Variants in RELN observed in about 807,000 individuals in gnomAD.
The protein encoded by RELN is reelin.
RELN carries 108 observed loss-of-function variants against 427.6 expected under a neutral mutation model. The ratio of observed to expected loss-of-function variants is 0.25; its 90% confidence interval spans 0.22 to 0.30. The LOEUF is 0.30. RELN is among the 10% of genes least tolerant of loss of function. The pLI, the probability that RELN is intolerant of heterozygous loss-of-function variation, is 1.00. For synonymous variants in RELN, 1,524 were observed against 1,513.4 expected (o/e 1.01, Z -0.16); for missense variants, 3,715 against 4,302.8 (o/e 0.86, Z 3.82).
intron 11 of RELN, among the ~76,000 whole-genome samples, chr7:103,676,207 A>C (rs1156355370): frequency 6.6e-6 from 1 of 152,154 alleles, no homozygotes; most frequent in South Asian, 2.1e-4. Flanking sequence ...AAATAAAAAA[A>C]CCCCATCAAA....
chr7:103,575,800 A>C, intron 28 of RELN, 95 bp from the exon 29 acceptor site: 1 of 1,375,284 alleles, frequency 7.3e-7, no homozygotes, highest in South Asian at 1.2e-5. Context: ...ACAGAGACTT[A>C]ATATTTATTT....
chr7:103,477,415 C>G (rs564241628), intron 64 of RELN, among the ~76,000 whole-genome samples: 1 of 152,296 alleles, frequency 6.6e-6, no homozygotes, highest in East Asian at 1.9e-4. Flanking sequence ...ATCACCAAAA[C>G]ATATGGTAGA....
intron 3 of RELN, among the ~76,000 whole-genome samples, chr7:103,779,876 C>T (rs763727488): frequency 4.6e-5 from 7 of 152,104 alleles, no homozygotes; most frequent in East Asian, 1.9e-4. Context: ...TACAGGCCTG[C>T]GCCGCCATGC....
At chr7:103,925,866 C>T (rs1407447982) in intron 1 of RELN, among the ~76,000 whole-genome samples, 2 of 152,048 alleles carry the variant, frequency 1.3e-5, no homozygotes, top group African/African-American at 2.4e-5. Context: ...ATAAAATACA[C>T]GGATGCCTAG....
At chr7:103,978,001 C>A (rs925482260) in intron 1 of RELN, among the ~76,000 whole-genome samples, 16 of 152,164 alleles carry the variant, frequency 1.1e-4, no homozygotes, top group African/African-American at 3.9e-4. Context: ...ACAAATGTTT[C>A]TTTCACTAAG....
chr7:103,662,515 G>A (rs373784014), intron 11 of RELN, among the ~76,000 whole-genome samples: 131 of 151,858 alleles, frequency 8.6e-4, no homozygotes, highest in African/African-American at 3.0e-3. Flanking sequence ...CCAGCTACTC[G>A]GGAGGCTGAG....
intron 46 of RELN, 85 bp downstream of exon 46, chr7:103,535,231 T>C: frequency 7.9e-7 from 1 of 1,271,336 alleles, no homozygotes; most frequent in Non-Finnish European, 1.1e-6. Context: ...CTCACATATC[T>C]CATTAAACTT....
At chr7:103,938,185 G>T (rs1191752212) in intron 1 of RELN, among the ~76,000 whole-genome samples, 1 of 152,096 alleles carries the variant, frequency 6.6e-6, no homozygotes, top group Non-Finnish European at 1.5e-5. Flanking sequence ...GCCAGGTGTG[G>T]TGGCGCATGC....
intron 2 of RELN, among the ~76,000 whole-genome samples, chr7:103,854,480 A>G (rs1423944217): frequency 6.6e-6 from 1 of 152,182 alleles, no homozygotes; most frequent in Non-Finnish European, 1.5e-5. Flanking sequence ...TATAACATAC[A>G]TATAATAAAG....
At chr7:103,523,940 G>A (rs778808751) in intron 46 of RELN, among the ~76,000 whole-genome samples, 1 of 152,190 alleles carries the variant, frequency 6.6e-6, no homozygotes, top group Non-Finnish European at 1.5e-5. Context: ...GCCTCCCAAA[G>A]TGCGGGGATT....
intron 4 of RELN, among the ~76,000 whole-genome samples, chr7:103,773,466 T>TCCCTCGCTCCCTCC (rs1308853541): frequency 5.5e-5 from 8 of 146,428 alleles, no homozygotes; most frequent in East Asian, 4.3e-4. Flanking sequence ...TCCCTCTCTC[T>TCCCTCGCTCCCTCC]CTCTCTCTCT....
At chr7:103,897,201 T>C (rs1279623382) in intron 2 of RELN, among the ~76,000 whole-genome samples, 1 of 152,110 alleles carries the variant, frequency 6.6e-6, no homozygotes, top group Non-Finnish European at 1.5e-5. Context: ...GGTGGAGACA[T>C]AGAGCCAAAC....
intron 17 of RELN, among the ~76,000 whole-genome samples, chr7:103,638,078 A>T (rs191606515): frequency 6.6e-6 from 1 of 152,088 alleles, no homozygotes; most frequent in African/African-American, 2.4e-5. Context: ...ATTTTTTAAA[A>T]AAAACAAAAA....
At chr7:103,863,148 G>A (rs1334177980) in intron 2 of RELN, among the ~76,000 whole-genome samples, 1 of 152,150 alleles carries the variant, frequency 6.6e-6, no homozygotes, top group Non-Finnish European at 1.5e-5. Context: ...GCAATGATCA[G>A]CTTGGCAACT....
At chr7:103,516,532 C>A (rs1477004507) in intron 49 of RELN, among the ~76,000 whole-genome samples, 1 of 152,140 alleles carries the variant, frequency 6.6e-6, no homozygotes, top group Non-Finnish European at 1.5e-5. Flanking sequence ...GGGTGATCCA[C>A]CCACCTCAGC....
chr7:103,581,675 G>C (rs1831153535), intron 28 of RELN, among the ~76,000 whole-genome samples: 1 of 152,106 alleles, frequency 6.6e-6, no homozygotes, highest in Non-Finnish European at 1.5e-5. Flanking sequence ...ATTAAAAAAG[G>C]AAGTCTTTTT....
chr7:103,897,904 G>A (rs1372247333), intron 2 of RELN, among the ~76,000 whole-genome samples: 7 of 152,186 alleles, frequency 4.6e-5, no homozygotes, highest in Non-Finnish European at 7.4e-5. Flanking sequence ...ACCCACATAA[G>A]TACTTCCAGT....
chr7:103,988,280 T>C lies in RELN; in HGVS notation c.226+851A>G, dbSNP rs902659228. 6.6e-6 allele frequency among the ~76,000 whole-genome samples: 1 copy of C among 152,244 alleles called. No homozygotes were observed. The highest frequency in any genetic ancestry group is 2.4e-5 in the African/African-American group (1 of 41,458). ...ACTAGCTTAAAATACATGTACTACATAATATTATATTTCTTGGAGCTAAAT... is the reference window on the plus strand; with the variant it reads ...ACTAGCTTAAAATACATGTACTACACAATATTATATTTCTTGGAGCTAAAT... On this transcript the variant is annotated intron_variant, in intron 1 of 64. Coordinates refer to ENST00000428762, the MANE Select transcript of RELN (RefSeq NM_005045.4). This position sits in a 1 kb window ranked among gnomAD's most constrained non-coding sequence, Gnocchi z 4.9.
chr7:103,878,370 T>C (rs1488441297), intron 2 of RELN, among the ~76,000 whole-genome samples: 1 of 152,208 alleles, frequency 6.6e-6, no homozygotes, highest in Admixed American at 6.5e-5. Flanking sequence ...TCTACTTTGA[T>C]AAATACTTAC....
Sources: gnomAD v4.1 joint callset for allele counts (sites outside exome capture counted in the v4.1 genomes callset) on GRCh38, gnomAD v4.1.1 for gene constraint, Gnocchi (gnomAD v3.1) non-coding constraint, MANE v1.5 for transcripts, NCBI Gene and HGNC (gene_info 2026-07-23, HGNC 2026-07-21) for gene names.